The following PCCB variants were observed in gnomAD, a reference collection of about 807,000 sequenced individuals.
PCCB encodes the protein propionyl-CoA carboxylase beta chain, mitochondrial.
PCCB carries 43 observed loss-of-function variants against 60.7 expected under a neutral mutation model. The ratio of observed to expected loss-of-function variants is 0.71; its 90% CI spans 0.55 to 0.91. The LOEUF is 0.91. Ranked by LOEUF, PCCB falls within the 40% of genes least tolerant of loss-of-function variation. PCCB has a pLI of 0.00. For missense variants in PCCB, 766 were observed against 702.8 expected (o/e 1.09, Z -1.02); for synonymous variants, 276 against 255.9 (o/e 1.08, Z -0.75).
At position 136,260,532 on chromosome 3, in the gene PCCB, C is replaced by A; in HGVS notation, c.426C>A (p.Cys142Ter). 6.2e-7 allele frequency: 1 copy of A among 1,611,256 alleles called. No homozygotes were observed. The highest frequency in any genetic ancestry group is 8.5e-7 in the Non-Finnish European group (1 of 1,177,484). ...CAGGAGCACATGCCCAAAAGATCTG[C>A]AAAGTAAGTGTTTAATACTCAAATT... ...SLSGAHAQKI[C>*]KIMDQAITVG... Residue 142 changes from cysteine (C) to a stop codon, truncating the protein, a stop_gained, in exon 4 of 15, where the codon TGC becomes TGA. Transcript: ENST00000251654. LOFTEE classifies it high-confidence loss of function.
At chr3:136,283,810 G>C in intron 5 of PCCB, 27 bp from the exon 6 acceptor site, 1 of 1,433,670 alleles carries the variant, frequency 7.0e-7, no homozygotes, top group Non-Finnish European at 9.8e-7. Flanking sequence ...TCTGTAACCA[G>C]ATGCTTTTGC....
intron 5 of PCCB, among the ~76,000 whole-genome samples, chr3:136,282,062 G>T (rs1384790571): frequency 6.6e-6 from 1 of 152,088 alleles, no homozygotes; most frequent in Non-Finnish European, 1.5e-5. Flanking sequence ...AAAAGCAGTG[G>T]TCAGTAATCA....
intron 5 of PCCB, among the ~76,000 whole-genome samples, chr3:136,280,915 A>G (rs768768595): frequency 4.6e-5 from 7 of 152,124 alleles, no homozygotes; most frequent in Non-Finnish European, 1.0e-4. Context: ...CATTCTCCCA[A>G]AGTGCTGGGA....
Position 136,261,990 on chromosome 3 carries a change from T to G in PCCB, c.468T>G (p.Ile156Met). The change falls in exon 5 of 15, where the codon ATT becomes ATG. Residue 156 changes from isoleucine to methionine, a missense_variant. Transcript: ENST00000251654. ...CCATAACGGTGGGGGCTCCAGTGAT[T>G]GGGCTGAATGACTCTGGGGGAGCAC... ...DQAITVGAPV[I>M]GLNDSGGARI... 6.4e-7 allele frequency: 1 copy of G among 1,562,092 alleles called. No individual in the cohort carries two copies. The highest frequency in any genetic ancestry group is 8.7e-7 in the Non-Finnish European group (1 of 1,151,958).
intron 3 of PCCB, among the ~76,000 whole-genome samples, chr3:136,257,239 A>G (rs1198079915): frequency 2.0e-5 from 3 of 152,176 alleles, no homozygotes; most frequent in Non-Finnish European, 2.9e-5. Flanking sequence ...AGAGGGAGGT[A>G]GAAGAGGAGC....
rs545604221 is a variant in PCCB at position 136,302,415 on chromosome 3, C to G, written c.966+1304C>G. On this transcript the variant is annotated intron_variant, in intron 9 of 14. Transcript: ENST00000251654. ...AGACAGATTCCTGGTGCTTCCTACT[C>G]TGCCATCTTCTAACTTTTTCTTAAG... Among the ~76,000 whole-genome samples the G allele has an allele frequency of 1.6e-4, 19 of 121,328 alleles. 1 individual carries two copies. The highest frequency in any genetic ancestry group is 4.7e-4 in the African/African-American group (19 of 40,032). 79.6% of individuals were successfully genotyped at this position (121,328 alleles called of 152,430 possible).
chr3:136,327,200 T>C lies in PCCB; in HGVS notation c.1244T>C (p.Leu415Pro). The C allele has an allele frequency of 6.2e-7, 1 of 1,614,192 alleles. No individual in the cohort carries two copies. The highest frequency in any genetic ancestry group is 8.5e-7 in the Non-Finnish European group (1 of 1,180,034). ...YGGIIRHGAK[L>P]LYAFAEATVP... The stretch of plus-strand genomic sequence containing the variant: ...GGCATCATCCGGCATGGTGCCAAGC[T>C]TCTCTACGCATTTGCTGAGGCAACT... Residue 415 changes from leucine to proline, a missense_variant, in exon 12 of 15, where the codon CTT (leucine) becomes CCT (proline). Coordinates refer to ENST00000251654, the MANE Select transcript of PCCB (RefSeq NM_000532.5).
intron 5 of PCCB, among the ~76,000 whole-genome samples, chr3:136,275,720 A>G (rs73222266): frequency 3.2e-3 from 494 of 152,150 alleles, no homozygotes; most frequent in Non-Finnish European, 4.8e-3. Context: ...CCTTGGCTAT[A>G]GAGAGTCTTT....
chr3:136,303,395 T>A (rs935073360), intron 9 of PCCB, among the ~76,000 whole-genome samples: 2 of 122,412 alleles, frequency 1.6e-5, no homozygotes, highest in Non-Finnish European at 1.8e-5. Flanking sequence ...GAGATGATCA[T>A]GTGATTTTCT....
intron 5 of PCCB, among the ~76,000 whole-genome samples, chr3:136,262,549 T>A (rs766134106): frequency 2.0e-5 from 3 of 152,230 alleles, no homozygotes; most frequent in Non-Finnish European, 4.4e-5. Flanking sequence ...TCATTACTGA[T>A]ATCTCTTTGC....
chr3:136,299,683 T>G (rs541959819), intron 8 of PCCB, among the ~76,000 whole-genome samples: 247 of 142,322 alleles, frequency 1.7e-3, no homozygotes, highest in Middle Eastern at 3.8e-3. Flanking sequence ...TGTGTATGTA[T>G]GTATATGCAT....
chr3:136,250,569 A>C lies in PCCB; in HGVS notation c.183+11A>C. ...GCGCAGCACAAGCGAGTGAGTCCTG[A>C]GGGGCCTAAGTGAGTCCCGCCCCTG... On this transcript the variant is annotated intron_variant, in intron 1 of 14. Transcript: ENST00000251654. 6.2e-7 allele frequency: 1 copy of C among 1,608,572 alleles called. No homozygotes were observed. Among genetic ancestry groups the C allele is most frequent in the South Asian group, 1.1e-5 (1 of 90,630 alleles).
chr3:136,312,457 G>T (rs1191024215), intron 9 of PCCB, among the ~76,000 whole-genome samples: 1 of 152,212 alleles, frequency 6.6e-6, no homozygotes, highest in Non-Finnish European at 1.5e-5. Context: ...GAACCTCTTT[G>T]TGTAGTGCCC....
chr3:136,322,158 G>C (rs1935132637), intron 10 of PCCB, among the ~76,000 whole-genome samples: 1 of 152,140 alleles, frequency 6.6e-6, no homozygotes, highest in Admixed American at 6.5e-5. Context: ...AGTTTATTGA[G>C]AGTTTTTGTC....
intron 10 of PCCB, among the ~76,000 whole-genome samples, chr3:136,322,652 T>A (rs1383790314): frequency 6.6e-6 from 1 of 152,174 alleles, no homozygotes; most frequent in South Asian, 2.1e-4. Flanking sequence ...AAATCCTGGT[T>A]TTTATATTTG....
chr3:136,326,760 G>T, intron 10 of PCCB, 43 bp from the exon 11 acceptor site: 1 of 1,312,066 alleles, frequency 7.6e-7, no homozygotes, highest in Non-Finnish European at 1.1e-6. Flanking sequence ...ATAGAACTGG[G>T]AATTGCCTGG....
At chr3:136,307,986 TA>T (rs1368867035) in intron 9 of PCCB, among the ~76,000 whole-genome samples, 1 of 151,324 alleles carries the variant, frequency 6.6e-6, no homozygotes, top group African/African-American at 2.4e-5. Context: ...AAAATAATAA[TA>T]ATAATAATAA....
rs186395314 is a variant in PCCB at position 136,301,543 on chromosome 3, C to G, written c.966+432C>G. On this transcript the variant is annotated intron_variant, in intron 9 of 14. Transcript: ENST00000251654. ...AGGTTGGACTGTGTGTGTGGAGGTC[C>G]GTGGGAGACAGGAGCCATTTGTACC... Among the ~76,000 whole-genome samples, 231 of 151,902 alleles carry G rather than the reference C, an allele frequency of 1.5e-3. 2 individuals are homozygous for G. The highest frequency in any genetic ancestry group is 8.3e-4 in the South Asian group (4 of 4,816).
chr3:136,274,930 C>G (rs927056472), intron 5 of PCCB, among the ~76,000 whole-genome samples: 1 of 151,924 alleles, frequency 6.6e-6, no homozygotes. Flanking sequence ...CACACCTCTG[C>G]CTCCTGAGTA....
Sources: allele counts gnomAD v4.1 joint callset (sites outside exome capture counted in the v4.1 genomes callset), GRCh38; gene constraint gnomAD v4.1.1; transcripts MANE v1.5; gene names NCBI Gene and HGNC (gene_info 2026-07-23, HGNC 2026-07-21).